The following ZNF385D variants were observed in gnomAD, a reference collection of about 807,000 sequenced individuals.
The protein encoded by ZNF385D is zinc finger protein 659.
ZNF385D carries 15 observed loss-of-function variants against 35.8 expected under a neutral mutation model. That is an observed-to-expected ratio of 0.42 (90% confidence interval 0.28 to 0.64). The LOEUF (loss-of-function observed/expected upper bound fraction) is 0.64. Ranked by LOEUF, ZNF385D falls within the 30% of genes least tolerant of loss-of-function variation. ZNF385D has a pLI of 0.23. For missense variants in ZNF385D, 474 were observed against 494.6 expected (o/e 0.96, Z 0.39); for synonymous variants, 212 against 186.8 (o/e 1.13, Z -1.10).
intron 3 of ZNF385D, among the ~76,000 whole-genome samples, chr3:22,168,265 A>G (rs911346532): frequency 6.6e-6 from 1 of 152,186 alleles, no homozygotes. Flanking sequence ...TGCTATTTGA[A>G]AAATCTATTC....
intron 3 of ZNF385D, among the ~76,000 whole-genome samples, chr3:21,982,206 C>T (rs970595261): frequency 1.3e-5 from 2 of 150,864 alleles, no homozygotes; most frequent in South Asian, 2.1e-4. Context: ...TATTCATGAG[C>T]GTGGGATTTT....
chr3:22,077,776 G>T (rs558219714), intron 3 of ZNF385D, among the ~76,000 whole-genome samples: 2 of 152,014 alleles, frequency 1.3e-5, no homozygotes, highest in South Asian at 2.1e-4. Context: ...AACAACAAAA[G>T]AAATGGGAGA....
chr3:22,347,356 C>A (rs926065702), intron 2 of ZNF385D, among the ~76,000 whole-genome samples: 37 of 152,152 alleles, frequency 2.4e-4, no homozygotes, highest in African/African-American at 7.5e-4. Flanking sequence ...AAAGATTTCT[C>A]TCCTTGAGTT....
At chr3:21,858,615 T>A (rs530992204) in intron 3 of ZNF385D, among the ~76,000 whole-genome samples, 1 of 152,068 alleles carries the variant, frequency 6.6e-6, no homozygotes, top group African/African-American at 2.4e-5. Flanking sequence ...AGACACTGCA[T>A]CTGCTGGGCC....
intron 2 of ZNF385D, among the ~76,000 whole-genome samples, chr3:22,306,027 C>T (rs1703192234): frequency 6.6e-6 from 1 of 152,168 alleles, no homozygotes; most frequent in South Asian, 2.1e-4. Context: ...AGGGCAAATG[C>T]TGCCTACCAA....
chr3:22,183,152 A>T (rs1390125855), intron 2 of ZNF385D, among the ~76,000 whole-genome samples: 1 of 152,310 alleles, frequency 6.6e-6, no homozygotes, highest in African/African-American at 2.4e-5. Flanking sequence ...ATAATGAGTT[A>T]AAACTATAGC....
At chr3:21,723,267 G>A (rs747752993) in intron 1 of ZNF385D, among the ~76,000 whole-genome samples, 4 of 152,156 alleles carry the variant, frequency 2.6e-5, no homozygotes, top group Middle Eastern at 3.4e-3. Context: ...AAAACTCCTC[G>A]CCAGCAAGGA....
At chr3:22,322,167 T>C (rs1466732258) in intron 2 of ZNF385D, among the ~76,000 whole-genome samples, 2 of 152,194 alleles carry the variant, frequency 1.3e-5, no homozygotes, top group African/African-American at 4.8e-5. Flanking sequence ...TCTTTACTCA[T>C]ACCATACATA....
intron 2 of ZNF385D, among the ~76,000 whole-genome samples, chr3:21,588,054 GGATAAAAAGACAA>G (rs2063862379): frequency 6.6e-6 from 1 of 152,136 alleles, no homozygotes; most frequent in Non-Finnish European, 1.5e-5. Flanking sequence ...CTAAGCCTGA[GGATAAAAAGACAA>G]GATAAAGTTC....
At chr3:21,978,238 C>CT (rs1703760796) in intron 3 of ZNF385D, 1 of 152,186 alleles carries the variant, frequency 6.6e-6, no homozygotes, top group African/African-American at 2.4e-5. Flanking sequence ...AGAGCAGTGT[C>CT]TGTTTCTTAC....
At chr3:21,758,618 C>T (rs551313726) in intron 3 of ZNF385D, among the ~76,000 whole-genome samples, 23 of 152,230 alleles carry the variant, frequency 1.5e-4, no homozygotes, top group African/African-American at 5.3e-4. Context: ...CCCCTAGCTA[C>T]ACTCTTAGAG....
At chr3:21,644,326 G>C (rs890527588) in intron 2 of ZNF385D, among the ~76,000 whole-genome samples, 1 of 152,122 alleles carries the variant, frequency 6.6e-6, no homozygotes, top group East Asian at 1.9e-4. Flanking sequence ...CAGGGTCACA[G>C]GTGGCCAGAG....
intron 3 of ZNF385D, among the ~76,000 whole-genome samples, chr3:22,153,778 C>T (rs1705415839): frequency 6.6e-6 from 1 of 152,024 alleles, no homozygotes; most frequent in African/African-American, 2.4e-5. Context: ...ACGGACTCTG[C>T]ATTTTTCATT....
intron 2 of ZNF385D, among the ~76,000 whole-genome samples, chr3:21,620,807 T>C (rs1053150831): frequency 6.6e-6 from 1 of 151,996 alleles, no homozygotes; most frequent in East Asian, 1.9e-4. Flanking sequence ...TCCACAACAC[T>C]CTCGAGGCAG....
chr3:21,521,183 A>G (rs950210136), intron 3 of ZNF385D, among the ~76,000 whole-genome samples: 2 of 152,226 alleles, frequency 1.3e-5, no homozygotes, highest in African/African-American at 4.8e-5. Context: ...ATAATGGCTT[A>G]CAGTTGAGCC....
At chr3:21,872,848 T>G (rs2125849637) in intron 3 of ZNF385D, among the ~76,000 whole-genome samples, 1 of 152,248 alleles carries the variant, frequency 6.6e-6, no homozygotes, top group East Asian at 1.9e-4. Context: ...TTTAGAGTAT[T>G]AAGGGTATAC....
At chr3:21,558,441 C>G (rs1220353541) in intron 3 of ZNF385D, among the ~76,000 whole-genome samples, 3 of 152,090 alleles carry the variant, frequency 2.0e-5, no homozygotes, top group African/African-American at 4.8e-5. Context: ...GCAGGTTGTT[C>G]AGTTTCCATG....
At chr3:21,566,704 G>A (rs1389917662) in intron 2 of ZNF385D, among the ~76,000 whole-genome samples, 1 of 152,072 alleles carries the variant, frequency 6.6e-6, no homozygotes, top group Admixed American at 6.6e-5. Flanking sequence ...TTTAGGTATT[G>A]TATAATAATT....
intron 2 of ZNF385D, among the ~76,000 whole-genome samples, chr3:22,279,101 G>A (rs553739003): frequency 6.6e-6 from 1 of 152,106 alleles, no homozygotes; most frequent in East Asian, 1.9e-4. Context: ...ACTCTCAATT[G>A]TGTTCCTTTT....
Sources: gnomAD v4.1 joint callset for allele counts (sites outside exome capture counted in the v4.1 genomes callset) on GRCh38, gnomAD v4.1.1 for gene constraint, MANE v1.5 for transcripts, NCBI Gene and HGNC (gene_info 2026-07-23, HGNC 2026-07-21) for gene names.